Variants in ZNF19 observed in about 807,000 individuals in gnomAD.
ZNF19 encodes zinc finger protein 19.
A neutral mutation model predicts 13.1 loss-of-function variants in ZNF19; 11 were observed. The observed-to-expected ratio is 0.84, with a 90% CI of 0.53 to 1.39. The LOEUF (loss-of-function observed/expected upper bound fraction) is 1.39, where lower values mean the gene tolerates loss of function less well. Ranked by LOEUF, ZNF19 falls within the 40% of genes most tolerant of loss-of-function variation. ZNF19 has a pLI of 0.00. For synonymous variants in ZNF19, 186 were observed against 187.0 expected, an observed-to-expected ratio of 0.99 and a Z score of 0.04; for missense variants, 560 against 547.0, an observed-to-expected ratio of 1.02 and a Z score of -0.24.
At chr16:71,482,276 T>C (rs773815768) in intron 2 of ZNF19, 133 bp from the exon 3 acceptor site, 27 of 724,980 alleles carry the variant, frequency 3.7e-5, no homozygotes, top group Admixed American at 9.3e-5. Flanking sequence ...CATAAATATG[T>C]ACTTTTTAAT....
chr16:71,489,094 G>A (rs1323739326), intron 1 of ZNF19, 178 bp downstream of exon 1: 2 of 275,248 alleles, frequency 7.3e-6, no homozygotes, highest in Non-Finnish European at 1.1e-5. Flanking sequence ...GAGCGGCAAA[G>A]CTTGCAGCTG....
intron 1 of ZNF19, among the ~76,000 whole-genome samples, chr16:71,485,463 A>C (rs1034746052): frequency 7.4e-4 from 109 of 147,330 alleles, no homozygotes; most frequent in African/African-American, 2.5e-3. Context: ...AAAAAAAAAA[A>C]ACCAAAAAAA....
intron 2 of ZNF19, 149 bp downstream of exon 2, chr16:71,484,440 C>T (rs552457147): frequency 6.7e-6 from 6 of 889,100 alleles, no homozygotes; most frequent in Middle Eastern, 5.8e-4. Context: ...AGACCGGGAC[C>T]GGCCCGCGAG....
At position 71,475,828 on chromosome 16, in the gene ZNF19, C is replaced by T. The variant is rs767626355; in HGVS notation, c.719G>A (p.Ser240Asn). ...TGTACAGTAATAGGGTCTGTCCCCA[C>T]TGTGGATTCTCTGATGCCTGATCAG... is the stretch of plus-strand genomic sequence containing the variant. ...ANLIRHQRIH[S>N]GDRPYYCTEC... is the part of the protein sequence containing the mutation. Residue 240 changes from serine (S) to asparagine (N), a missense_variant, in exon 6 of 6, where the codon AGT (serine) becomes AAT (asparagine). Transcript: ENST00000288177. 1.5e-5 allele frequency: 25 copies of T among 1,613,716 alleles called. No homozygotes were observed. The highest frequency in any genetic ancestry group is 1.9e-5 in the Non-Finnish European group (23 of 1,179,972).
chr16:71,478,909 A>C lies in ZNF19; in HGVS notation c.130T>G (p.Leu44Val). Residue 44 changes from leucine to valine, a missense_variant, in exon 4 of 6, where the codon TTG becomes GTG. Leu to Val is a conservative substitution (Grantham distance 32). Transcript: ENST00000288177. ...GCAGTCAGGTTCCCAAAATTCTCCAACATCACACTTCTGTACAGGGCCCTC... is the reference window on the plus strand; with the variant it reads ...GCAGTCAGGTTCCCAAAATTCTCCACCATCACACTTCTGTACAGGGCCCTC... ...AQRALYRSVM[L>V]ENFGNLTALG... 1 of 1,614,160 alleles carries C rather than the reference A, an allele frequency of 6.2e-7. No individual in the cohort carries two copies. The highest frequency in any genetic ancestry group is 8.5e-7 in the Non-Finnish European group (1 of 1,179,988).
At chr16:71,488,797 C>T (rs2043699856) in intron 1 of ZNF19, among the ~76,000 whole-genome samples, 1 of 152,242 alleles carries the variant, frequency 6.6e-6, no homozygotes, top group Non-Finnish European at 1.5e-5. Flanking sequence ...GAGACTTCGT[C>T]TCAAAAAAAC....
chr16:71,482,288 C>T, intron 2 of ZNF19, 145 bp from the exon 3 acceptor site: 1 of 663,444 alleles, frequency 1.5e-6, no homozygotes, highest in South Asian at 1.8e-5. Context: ...CTTTTTAATC[C>T]ACATCATACC....
At chr16:71,486,502 G>C (rs2043679567) in intron 1 of ZNF19, among the ~76,000 whole-genome samples, 1 of 152,236 alleles carries the variant, frequency 6.6e-6, no homozygotes, top group Admixed American at 6.5e-5. Context: ...TGGCTTTGAA[G>C]ATGGAGGAAG....
rs148003075 is a variant in ZNF19 at position 71,478,939 on chromosome 16, C to A, written c.100G>T (p.Ala34Ser). 1.3e-4 allele frequency: 213 copies of A among 1,614,118 alleles called. No homozygotes were observed. Among genetic ancestry groups the A allele is most frequent in the Non-Finnish European group, 4.2e-5 (49 of 1,180,050 alleles). The change falls in exon 4 of 6, where the codon GCC (alanine) becomes TCC (serine). Residue 34 changes from alanine to serine, a missense_variant. Coordinates refer to ENST00000288177, the MANE Select transcript of ZNF19 (RefSeq NM_006961.4). ...ACACTTCTGTACAGGGCCCTCTGGGCAGGAGAAAGGCCAGTCCATTCTGTC... is the reference window on the plus strand; with the variant it reads ...ACACTTCTGTACAGGGCCCTCTGGGAAGGAGAAAGGCCAGTCCATTCTGTC... Reference protein sequence around the residue: ...TKTEWTGLSPAQRALYRSVML... With the variant: ...TKTEWTGLSPSQRALYRSVML...
At position 71,475,975 on chromosome 16, in the gene ZNF19, C is replaced by T. The variant is rs370498796; in HGVS notation, c.572G>A (p.Cys191Tyr). 4 of 1,614,038 alleles carry T rather than the reference C, an allele frequency of 2.5e-6. No individual in the cohort carries two copies. The African/African-American group carries it at 4.0e-5, about 16-fold the overall frequency. The change falls in exon 6 of 6, where the codon TGT becomes TAT. Residue 191 changes from cysteine to tyrosine, a missense_variant. Transcript: ENST00000288177. The stretch of plus-strand genomic sequence containing the variant: ...ATTAAAGGCTTTTCCACACTCACTA[C>T]ACTCAAAAGGTTTCTCCCCAGTGTG... Reference protein sequence around the residue: ...RIHTGEKPFECSECGKAFNGN... With the variant: ...RIHTGEKPFEYSECGKAFNGN...
At chr16:71,481,215 G>A (rs557386577) in intron 3 of ZNF19, among the ~76,000 whole-genome samples, 7 of 152,244 alleles carry the variant, frequency 4.6e-5, no homozygotes, top group African/African-American at 1.4e-4. Flanking sequence ...GAAGAGGGTG[G>A]GAGCTCCAAG....
intron 1 of ZNF19, among the ~76,000 whole-genome samples, chr16:71,487,996 G>C (rs1174913517): frequency 6.6e-6 from 1 of 152,184 alleles, no homozygotes; most frequent in Non-Finnish European, 1.5e-5. Context: ...TGGCAGGTAT[G>C]TCTGCTCTTA....
chr16:71,485,024 C>A (rs928213714), intron 1 of ZNF19, among the ~76,000 whole-genome samples: 2 of 152,156 alleles, frequency 1.3e-5, no homozygotes, highest in Admixed American at 6.5e-5. Context: ...ACTTATATTT[C>A]TGTATCACAA....
chr16:71,478,371 A>C (rs2043615550), intron 4 of ZNF19, 30 bp from the exon 5 acceptor site: 4 of 1,522,000 alleles, frequency 2.6e-6, no homozygotes, highest in Non-Finnish European at 2.7e-6. Flanking sequence ...GGTACTTTTC[A>C]GCCCTGTATC....
Position 71,475,022 on chromosome 16 carries a change from A to G in ZNF19, c.*148T>C. The G allele has an allele frequency of 9.9e-7, 1 of 1,005,746 alleles. No individual in the cohort carries two copies. Among genetic ancestry groups the G allele is most frequent in the Non-Finnish European group, 1.4e-6 (1 of 703,232 alleles). The allele number at this position is 1,005,746 out of a possible 1,614,324, so 62.3% of individuals were successfully genotyped here. ...TTAGCTCTTGCAATCCTGGGACTCT[A>G]ATTGAACCATCTTTGGTCATCTACT... On this transcript the variant is annotated 3_prime_UTR_variant, in exon 6 of 6. Coordinates refer to ENST00000288177, the MANE Select transcript of ZNF19 (RefSeq NM_006961.4).
rs1010547653 is a variant in ZNF19 at position 71,478,861 on chromosome 16, G to A, written c.160+18C>T. The A allele has an allele frequency of 6.2e-7, 1 of 1,612,740 alleles. No individual in the cohort carries two copies. Among genetic ancestry groups the A allele is most frequent in the African/African-American group, 1.3e-5 (1 of 74,988 alleles). ...TGGAAAAGTACAGATCTGAGTCCTA[G>A]GAGGAAAATGGCCTTACCCAAAGCA... is the stretch of plus-strand genomic sequence containing the variant. On this transcript the variant is annotated intron_variant, in intron 4 of 5. Coordinates refer to ENST00000288177, the MANE Select transcript of ZNF19 (RefSeq NM_006961.4).
At chr16:71,478,526 G>T (rs2043616604) in intron 4 of ZNF19, 185 bp from the exon 5 acceptor site, 1 of 702,086 alleles carries the variant, frequency 1.4e-6, no homozygotes, top group South Asian at 1.5e-5. Context: ...AACACTCAAG[G>T]ATAAGTAAGT....
intron 5 of ZNF19, 52 bp from the exon 6 acceptor site, chr16:71,476,324 A>C: frequency 6.6e-7 from 1 of 1,520,426 alleles, no homozygotes; most frequent in Non-Finnish European, 8.8e-7. Flanking sequence ...ACTATACTAG[A>C]AATAATAGAG....
At chr16:71,483,794 TAGAG>T (rs1357545858) in intron 2 of ZNF19, among the ~76,000 whole-genome samples, 5 of 152,124 alleles carry the variant, frequency 3.3e-5, no homozygotes, top group Non-Finnish European at 5.9e-5. Context: ...ACAGATGAAG[TAGAG>T]AGAGAAGGGG....
Sources: gnomAD v4.1 joint callset for allele counts (sites outside exome capture counted in the v4.1 genomes callset) on GRCh38, gnomAD v4.1.1 for gene constraint, MANE v1.5 for transcripts, NCBI Gene and HGNC (gene_info 2026-07-23, HGNC 2026-07-21) for gene names.